The following FYN variants were observed in gnomAD, a reference collection of about 807,000 sequenced individuals.
FYN encodes the protein tyrosine-protein kinase Fyn.
FYN carries 10 observed loss-of-function variants against 70.2 expected under a neutral mutation model. The observed-to-expected ratio is 0.14, with a 90% CI of 0.09 to 0.24. The LOEUF (loss-of-function observed/expected upper bound fraction) is 0.24, where lower values mean the gene tolerates loss of function less well. Among genes scored for constraint, FYN ranks in the 10% least tolerant of loss-of-function variants. The pLI is 1.00. For synonymous variants in FYN, 236 were observed against 248.6 expected (o/e 0.95, Z 0.48); for missense variants, 319 against 673.1 (o/e 0.47, Z 5.82).
At chr6:111,726,317 T>C (rs542088435) in intron 3 of FYN, among the ~76,000 whole-genome samples, 3 of 152,304 alleles carry the variant, frequency 2.0e-5, no homozygotes, top group East Asian at 3.9e-4. Context: ...ATGGGCACCA[T>C]GGGGATGATG....
intron 12 of FYN, among the ~76,000 whole-genome samples, chr6:111,689,855 G>A (rs1338816851): frequency 3.3e-5 from 5 of 152,036 alleles, no homozygotes; most frequent in South Asian, 2.1e-4. Context: ...GGATTCAGGG[G>A]CATATATGTA....
In FYN at chr6:111,798,011, C is replaced by A. The variant is rs529519935; in HGVS notation, c.-81-17376G>T. On this transcript the variant is annotated intron_variant, in intron 2 of 13. Transcript: ENST00000354650. ...CTCCTGACCTCAGGTGATCCGCCCGCCTCGGCCTCCCAAAGTGCTGGGATT... is the reference window on the plus strand; with the variant it reads ...CTCCTGACCTCAGGTGATCCGCCCGACTCGGCCTCCCAAAGTGCTGGGATT... 6.8e-4 allele frequency among the ~76,000 whole-genome samples: 103 copies of A among 152,230 alleles called. 4 individuals carry two copies. The South Asian group carries it at 0.02, about 29-fold the overall frequency.
rs898268510 is a variant in FYN, at chr6:111,660,838, C to T, written c.*901G>A. 8 of 152,196 alleles carry T rather than the reference C, an allele frequency of 5.3e-5. No individual in the cohort carries two copies. The highest frequency in any genetic ancestry group is 1.9e-4 in the African/African-American group (8 of 41,442). 9.4% of individuals were successfully genotyped at this position (152,196 alleles called of 1,614,324 possible). A position where few individuals can be genotyped will look rare whatever the true frequency, so the allele number is the denominator to read the frequency against. Reference sequence around the variant, plus strand: ...ACATTTCAGCATTCATATTTTTATACAAGAAGTTTGTGTGGTATCCATCTT... The same window carrying T: ...ACATTTCAGCATTCATATTTTTATATAAGAAGTTTGTGTGGTATCCATCTT... On this transcript the variant is annotated 3_prime_UTR_variant, in exon 14 of 14. Transcript: ENST00000354650.
At chr6:111,730,913 A>G (rs2128470776) in intron 3 of FYN, among the ~76,000 whole-genome samples, 1 of 152,264 alleles carries the variant, frequency 6.6e-6, no homozygotes, top group Non-Finnish European at 1.5e-5. Context: ...CAGGAAGGTC[A>G]GTGTCACATC....
intron 12 of FYN, among the ~76,000 whole-genome samples, chr6:111,693,841 T>C (rs1274895286): frequency 6.6e-6 from 1 of 152,090 alleles, no homozygotes; most frequent in African/African-American, 2.4e-5. Context: ...AATCCCCAGA[T>C]CCATCCCTGA....
At chr6:111,675,771 T>C (rs1398244438) in intron 12 of FYN, among the ~76,000 whole-genome samples, 1 of 151,442 alleles carries the variant, frequency 6.6e-6, no homozygotes, top group Non-Finnish European at 1.5e-5. Context: ...CCAGCCTAGG[T>C]GACAGAGCAA....
chr6:111,757,103 T>G (rs1019724141), intron 3 of FYN, among the ~76,000 whole-genome samples: 11 of 152,188 alleles, frequency 7.2e-5, no homozygotes, highest in African/African-American at 2.4e-4. Flanking sequence ...ACAGAAAAAC[T>G]AAGAGAATAC....
At chr6:111,741,452 T>C (rs1801958899) in intron 3 of FYN, among the ~76,000 whole-genome samples, 2 of 152,238 alleles carry the variant, frequency 1.3e-5, no homozygotes, top group Non-Finnish European at 2.9e-5. Flanking sequence ...GAGCACAGCA[T>C]AAAAGAATAT....
intron 2 of FYN, among the ~76,000 whole-genome samples, chr6:111,840,021 C>T (rs745944608): frequency 5.9e-5 from 9 of 152,180 alleles, no homozygotes; most frequent in Non-Finnish European, 1.2e-4. Flanking sequence ...AGAAGACAGG[C>T]GTGGCCTTGC....
chr6:111,843,119 C>T (rs373305010), intron 2 of FYN, among the ~76,000 whole-genome samples: 1 of 152,200 alleles, frequency 6.6e-6, no homozygotes, highest in Non-Finnish European at 1.5e-5. Flanking sequence ...TGCAGGAATT[C>T]TCGGTCTCAC....
intron 2 of FYN, among the ~76,000 whole-genome samples, chr6:111,796,575 C>T (rs775305278): frequency 2.0e-5 from 3 of 152,178 alleles, no homozygotes; most frequent in Non-Finnish European, 2.9e-5. Flanking sequence ...CGTGACTGTA[C>T]ATAACTATCT....
intron 3 of FYN, among the ~76,000 whole-genome samples, chr6:111,723,171 T>C (rs1279906117): frequency 1.3e-5 from 2 of 152,094 alleles, no homozygotes; most frequent in Non-Finnish European, 2.9e-5. Context: ...GAAAAAATAA[T>C]CTTTCAAAAT....
intron 2 of FYN, among the ~76,000 whole-genome samples, chr6:111,807,487 C>T (rs1772185574): frequency 6.6e-6 from 1 of 152,208 alleles, no homozygotes; most frequent in Non-Finnish European, 1.5e-5. Flanking sequence ...GATAGTTCTT[C>T]TTTACAGCCA....
chr6:111,825,680 C>G (rs1460539208), intron 2 of FYN, among the ~76,000 whole-genome samples: 1 of 152,188 alleles, frequency 6.6e-6, no homozygotes, highest in East Asian at 1.9e-4. Context: ...TGGTTCTTCC[C>G]TTTGCCCTGA....
rs538574317 is a variant in FYN, at chr6:111,747,123, T to C, written c.-11-27061A>G. Among the ~76,000 whole-genome samples the C allele has an allele frequency of 5.3e-4, 80 of 152,334 alleles. 1 individual carries two copies. In the South Asian group the frequency reaches 0.016, roughly 31 times the overall value. On this transcript the variant is annotated intron_variant, in intron 3 of 13. Transcript: ENST00000354650. ...TTCCCTGTAACTGTCAATACTCTCT[T>C]GTCCAAGTAGCACTTTAGTAAGTAG...
intron 3 of FYN, among the ~76,000 whole-genome samples, chr6:111,764,980 C>T (rs139327467): frequency 6.4e-4 from 97 of 151,998 alleles, no homozygotes; most frequent in Non-Finnish European, 8.4e-4. Context: ...GGAGCCCTCT[C>T]GGTGGGGCCG....
chr6:111,814,687 T>C (rs1772430294), intron 2 of FYN, among the ~76,000 whole-genome samples: 3 of 152,008 alleles, frequency 2.0e-5, no homozygotes, highest in Admixed American at 1.3e-4. Context: ...ACAATACATA[T>C]TTTAAAAATA....
intron 3 of FYN, among the ~76,000 whole-genome samples, chr6:111,743,866 G>T (rs974823904): frequency 1.3e-5 from 2 of 152,118 alleles, no homozygotes; most frequent in African/African-American, 4.8e-5. Flanking sequence ...GAAAAGATCT[G>T]GCTCTCTTAC....
intron 1 of FYN, among the ~76,000 whole-genome samples, chr6:111,867,584 AC>A (rs1185075525): frequency 9.9e-5 from 15 of 151,936 alleles, no homozygotes; most frequent in Admixed American, 7.9e-4. Flanking sequence ...TCGCTTAGAT[AC>A]CTGCCCCCTG....
Sources: gnomAD v4.1 joint callset for allele counts (sites outside exome capture counted in the v4.1 genomes callset) on GRCh38, gnomAD v4.1.1 for gene constraint, MANE v1.5 for transcripts, NCBI Gene and HGNC (gene_info 2026-07-23, HGNC 2026-07-21) for gene names.